DHCR7: variants seen among roughly 807,000 people sequenced by gnomAD.
The protein encoded by DHCR7 is 7-dehydrocholesterol reductase.
DHCR7 carries 40 observed loss-of-function variants against 43.3 expected under a neutral mutation model. That is an observed-to-expected ratio of 0.92 (90% confidence interval 0.72 to 1.20). The LOEUF (loss-of-function observed/expected upper bound fraction) is 1.20. Ranked by LOEUF, DHCR7 falls within the 50% of genes most tolerant of loss-of-function variation. The probability of loss-of-function intolerance (pLI) is 0.00; values close to 1 mark genes in which losing one functional copy is unlikely to be tolerated. For missense variants in DHCR7, 608 were observed against 644.6 expected, an observed-to-expected ratio of 0.94 and a Z score of 0.62; for synonymous variants, 298 against 271.4, an observed-to-expected ratio of 1.10 and a Z score of -0.96.
At chr11:71,438,733 C>T (rs755851226) in intron 7 of DHCR7, 146 bp downstream of exon 7, 175 of 852,302 alleles carry the variant, frequency 2.1e-4, no homozygotes, top group Non-Finnish European at 3.1e-4. Flanking sequence ...AAGTGCTCGC[C>T]GGCTGCTTCC....
intron 7 of DHCR7, 114 bp downstream of exon 7, chr11:71,438,765 G>C (rs1001450142): frequency 2.6e-6 from 3 of 1,160,928 alleles, no homozygotes; most frequent in Non-Finnish European, 3.7e-6. Context: ...GGGGAGGGCA[G>C]CTGACTCTCT....
At position 71,444,955 on chromosome 11, in the gene DHCR7, G is replaced by A; in HGVS notation, c.-3C>T. ...TTGGGTTGCGATTTTGCAGCCATTG[G>A]GCCCTGCAAGAAAGAGAACCTTGCT... On this transcript the variant is annotated 5_prime_UTR_variant, in exon 3 of 9. Coordinates refer to ENST00000355527, the MANE Select transcript of DHCR7 (RefSeq NM_001360.3). 1 of 1,613,742 alleles carries A rather than the reference G, an allele frequency of 6.2e-7. No homozygotes were observed. The highest frequency in any genetic ancestry group is 1.1e-5 in the South Asian group (1 of 91,070).
intron 4 of DHCR7, among the ~76,000 whole-genome samples, chr11:71,442,654 T>C (rs902044618): frequency 6.6e-6 from 1 of 152,146 alleles, no homozygotes; most frequent in African/African-American, 2.4e-5. Context: ...ACTTTTTATA[T>C]ATATATATAA....
chr11:71,431,500 C>T (rs558370762), downstream of DHCR7, among the ~76,000 whole-genome samples: 1 of 152,176 alleles, frequency 6.6e-6, no homozygotes, highest in Non-Finnish European at 1.5e-5. Flanking sequence ...TCCCTGCAGG[C>T]AACGTGGTGA....
At chr11:71,434,022 G>C (rs909617468), downstream of DHCR7, among the ~76,000 whole-genome samples, 2 of 152,246 alleles carry the variant, frequency 1.3e-5, no homozygotes, top group African/African-American at 4.8e-5. Context: ...GCCACTCTGA[G>C]CTTGGCCCCC....
rs1949323139 is a variant in DHCR7, at chr11:71,439,149, C to A, written c.627-66G>T. 7.4e-6 allele frequency: 11 copies of A among 1,483,672 alleles called. No homozygotes were observed. In the South Asian group the frequency reaches 1.2e-4, roughly 16 times the overall value. 91.9% of individuals were successfully genotyped at this position (1,483,672 alleles called of 1,614,324 possible). A position where few individuals can be genotyped will look rare whatever the true frequency, so the allele number is the denominator to read the frequency against. On this transcript the variant is annotated intron_variant, in intron 6 of 8. Transcript: ENST00000355527. Reference sequence around the variant, plus strand: ...TATCTCACAAGATGAAGCCACCTTACTTAGCGAGAGCCCAGCACTGGCCCA... The same window carrying A: ...TATCTCACAAGATGAAGCCACCTTAATTAGCGAGAGCCCAGCACTGGCCCA...
rs767108226 is a variant in DHCR7 at position 71,435,844 on chromosome 11, G to A, written c.964-5C>T. 5.0e-6 allele frequency: 8 copies of A among 1,597,674 alleles called. No homozygotes were observed. The African/African-American group carries it at 1.1e-4, about 21-fold the overall frequency. On this transcript the variant is annotated splice_polypyrimidine_tract_variant and splice_region_variant and intron_variant, in intron 8 of 8. Transcript: ENST00000355527. ...GTGGTACACCAAGTACAGACCCTGGGGGGCGAGGGGGAAGGGGTCAAGCGG... is the reference window on the plus strand; with the variant it reads ...GTGGTACACCAAGTACAGACCCTGGAGGGCGAGGGGGAAGGGGTCAAGCGG...
rs1949304955 is a variant in DHCR7 at position 71,437,938 on chromosome 11, G to A, written c.837C>T (p.Ile279=). The change falls in exon 8 of 9, where the codon ATC becomes ATT. Residue 279 remains isoleucine (I), a synonymous_variant. Transcript: ENST00000355527. The stretch of plus-strand genomic sequence containing the variant: ...CGTTCCAGAAGAAGTCAATCACGTA[G>A]ATGGCCTGCAAGACAGAAGCAGCCG... The part of the protein sequence containing the change: ...AMVLVNVLQA[I]YVIDFFWNET... The A allele has an allele frequency of 1.2e-6, 2 of 1,613,208 alleles. No homozygotes were observed. Among genetic ancestry groups the A allele is most frequent in the Middle Eastern group, 1.7e-4 (1 of 6,060 alleles).
intron 2 of DHCR7, 69 bp from the exon 3 acceptor site, chr11:71,445,027 A>G: frequency 7.3e-7 from 1 of 1,371,532 alleles, no homozygotes; most frequent in Non-Finnish European, 1.0e-6. Context: ...TGTTGCATCC[A>G]CCACTGCTCC....
intron 7 of DHCR7, among the ~76,000 whole-genome samples, chr11:71,438,213 G>T (rs565859721): frequency 6.6e-6 from 1 of 152,174 alleles, no homozygotes; most frequent in African/African-American, 2.4e-5. Flanking sequence ...GCAATGGCGC[G>T]TGCCAAGGGG....
In DHCR7 at chr11:71,444,049, T is replaced by C. The variant is rs375997113; in HGVS notation, c.265A>G (p.Thr89Ala). 3.1e-6 allele frequency: 5 copies of C among 1,613,524 alleles called. No homozygotes were observed. The African/African-American group carries it at 5.3e-5, about 17-fold the overall frequency. ...GCGGCTTTCCTCGTTATAGGTGGAG[T>C]CTTGGCCCAGATGTCCGAGAGCCGA... Reference protein sequence around the residue: ...HARLSDIWAKTPPITRKAAQL... With the variant: ...HARLSDIWAKAPPITRKAAQL... Residue 89 changes from threonine (T) to alanine (A), a missense_variant, in exon 4 of 9, where the codon ACT becomes GCT. Transcript: ENST00000355527.
intron 8 of DHCR7, 85 bp from the exon 9 acceptor site, chr11:71,435,924 G>T: frequency 8.8e-7 from 1 of 1,140,972 alleles, no homozygotes; most frequent in South Asian, 1.3e-5. Context: ...GCGGCCTGGG[G>T]TCAAACCCCA....
chr11:71,433,803 C>T (rs1949243072), downstream of DHCR7, among the ~76,000 whole-genome samples: 1 of 152,234 alleles, frequency 6.6e-6, no homozygotes, highest in Admixed American at 6.5e-5. Context: ...GCTCCCGTCT[C>T]CCCGGCATTT....
chr11:71,445,640 T>G (rs1949396753), intron 2 of DHCR7, among the ~76,000 whole-genome samples: 1 of 152,140 alleles, frequency 6.6e-6, no homozygotes, highest in Admixed American at 6.5e-5. Context: ...CCTAGAACAG[T>G]GGCCCATGTA....
In DHCR7 at chr11:71,444,083, G is replaced by T; in HGVS notation, c.231C>A (p.Thr77=). 3 of 1,613,358 alleles carry T rather than the reference G, an allele frequency of 1.9e-6. No homozygotes were observed. Among genetic ancestry groups the T allele is most frequent in the Non-Finnish European group, 2.5e-6 (3 of 1,179,734 alleles). ...AGATGTCCGAGAGCCGAGCATGTCCGGTGACGATGTCCACCACAGGGCCAG... is the reference window on the plus strand; with the variant it reads ...AGATGTCCGAGAGCCGAGCATGTCCTGTGACGATGTCCACCACAGGGCCAG... ...ALTGPVVDIV[T]GHARLSDIWA... The change falls in exon 4 of 9, where the codon ACC becomes ACA. Residue 77 remains threonine, a synonymous_variant. Coordinates refer to ENST00000355527, the MANE Select transcript of DHCR7 (RefSeq NM_001360.3).
At chr11:71,439,694 T>C (rs1251627782) in intron 6 of DHCR7, among the ~76,000 whole-genome samples, 1 of 152,156 alleles carries the variant, frequency 6.6e-6, no homozygotes, top group Non-Finnish European at 1.5e-5. Flanking sequence ...CCTGACTAGG[T>C]CTAGCTGGCT....
At chr11:71,434,351 C>T (rs539891667), downstream of DHCR7, 4 of 152,720 alleles carry the variant, frequency 2.6e-5, no homozygotes, top group East Asian at 7.7e-4. Context: ...ACCAGTCAGA[C>T]CTGCAGTCAG....
At chr11:71,439,446 G>C (rs996974715) in intron 6 of DHCR7, among the ~76,000 whole-genome samples, 2 of 152,242 alleles carry the variant, frequency 1.3e-5, no homozygotes, top group Non-Finnish European at 2.9e-5. Context: ...GTGAGCTGAA[G>C]AACTGGCTTG....
chr11:71,443,457 C>T (rs937165956), intron 4 of DHCR7, among the ~76,000 whole-genome samples: 3 of 152,176 alleles, frequency 2.0e-5, no homozygotes, highest in Admixed American at 1.3e-4. Flanking sequence ...CATGTGTGCA[C>T]CAGGTTTACA....
Sources: allele counts gnomAD v4.1 joint callset (sites outside exome capture counted in the v4.1 genomes callset), GRCh38; gene constraint gnomAD v4.1.1; transcripts MANE v1.5; gene names NCBI Gene and HGNC (gene_info 2026-07-23, HGNC 2026-07-21).